Variants in DPYD observed in about 807,000 individuals in gnomAD.
DPYD encodes the protein dihydropyrimidine dehydrogenase.
A neutral mutation model predicts 116.2 loss-of-function variants in DPYD; 109 were observed. The ratio of observed to expected loss-of-function variants is 0.94; its 90% CI spans 0.80 to 1.10. The LOEUF (loss-of-function observed/expected upper bound fraction) is 1.10, where lower values mean the gene tolerates loss of function less well. Ranked by LOEUF, DPYD falls within the 50% of genes least tolerant of loss-of-function variation. DPYD has a pLI of 0.00. For missense variants in DPYD, 1,302 were observed against 1,254.5 expected, an observed-to-expected ratio of 1.04 and a Z score of -0.57; for synonymous variants, 440 against 432.0, an observed-to-expected ratio of 1.02 and a Z score of -0.23.
intron 8 of DPYD, among the ~76,000 whole-genome samples, chr1:97,606,958 CTTAAA>C (rs990600849): frequency 2.0e-5 from 3 of 151,830 alleles, no homozygotes; most frequent in Non-Finnish European, 4.4e-5. Context: ...AGATAAGTAA[CTTAAA>C]TTATAGTGTT....
intron 18 of DPYD, among the ~76,000 whole-genome samples, chr1:97,299,613 G>A (rs1302441723): frequency 2.0e-5 from 3 of 152,090 alleles, no homozygotes; most frequent in Non-Finnish European, 2.9e-5. Context: ...TCCATGAGCT[G>A]TAAGCATCTA....
intron 12 of DPYD, among the ~76,000 whole-genome samples, chr1:97,527,602 T>C (rs1010226089): frequency 6.6e-6 from 1 of 152,112 alleles, no homozygotes; most frequent in African/African-American, 2.4e-5. Context: ...CAAACTATAA[T>C]AACCCATTAT....
chr1:97,881,241 A>G (rs941463697), intron 2 of DPYD, among the ~76,000 whole-genome samples: 1 of 151,994 alleles, frequency 6.6e-6, no homozygotes, highest in African/African-American at 2.4e-5. Flanking sequence ...TCCTAATCCA[A>G]TATAGCCGAT....
intron 19 of DPYD, among the ~76,000 whole-genome samples, chr1:97,218,782 A>T (rs952032048): frequency 6.6e-6 from 1 of 152,130 alleles, no homozygotes; most frequent in African/African-American, 2.4e-5. Flanking sequence ...TGAGAAGAAG[A>T]TAACATCAGA....
chr1:97,821,766 A>G (rs574206242), intron 3 of DPYD, among the ~76,000 whole-genome samples: 1 of 152,284 alleles, frequency 6.6e-6, no homozygotes, highest in Non-Finnish European at 1.5e-5. Context: ...TACATTACAC[A>G]TGTAATTCTT....
chr1:97,727,745 A>G (rs1663353889), intron 4 of DPYD, among the ~76,000 whole-genome samples: 1 of 151,854 alleles, frequency 6.6e-6, no homozygotes, highest in South Asian at 2.1e-4. Context: ...ACTCAGAGCC[A>G]AAGACACTCA....
At chr1:97,776,702 A>T (rs1321578248) in intron 3 of DPYD, among the ~76,000 whole-genome samples, 1 of 152,212 alleles carries the variant, frequency 6.6e-6, no homozygotes, top group African/African-American at 2.4e-5. Context: ...CATTAACACA[A>T]GTGTAAATTC....
rs59507213 is a variant in DPYD at position 97,160,136 on chromosome 1, C to T, written c.2622+32933G>A. Among the ~76,000 whole-genome samples, 481 of 152,090 alleles carry T rather than the reference C, an allele frequency of 3.2e-3. 5 individuals are homozygous for T. Among genetic ancestry groups the T allele is most frequent in the African/African-American group, 0.011 (471 of 41,524 alleles). Reference sequence around the variant, plus strand: ...AGTGTTATATATTCAACTAATTCACCAACAATTTCTATATAGTGTTGTGGT... The same window carrying T: ...AGTGTTATATATTCAACTAATTCACTAACAATTTCTATATAGTGTTGTGGT... On this transcript the variant is annotated intron_variant, in intron 20 of 22. Transcript: ENST00000370192.
rs1186286669 is a variant in DPYD at position 97,691,732 on chromosome 1, C to G, written c.747G>C (p.Lys249Asn). The change falls in exon 7 of 23, where the codon AAG (lysine) becomes AAC (asparagine). Residue 249 changes from lysine to asparagine, a missense_variant. Coordinates refer to ENST00000370192, the MANE Select transcript of DPYD (RefSeq NM_000110.4). ...TTTCATTTACCTTTACACCAAGGTC[C>G]TTCATTAGCTCAATCTCAAAATTCA... ...DVVNFEIELM[K>N]DLGVKIICGK... 1 of 1,613,548 alleles carries G rather than the reference C, an allele frequency of 6.2e-7. No individual in the cohort carries two copies. The highest frequency in any genetic ancestry group is 2.2e-5 in the East Asian group (1 of 44,816).
intron 19 of DPYD, among the ~76,000 whole-genome samples, chr1:97,213,452 G>A (rs1285284806): frequency 6.6e-6 from 1 of 152,134 alleles, no homozygotes; most frequent in South Asian, 2.1e-4. Context: ...CTTAATGATC[G>A]CTTCCTTACA....
chr1:97,837,207 C>T (rs1199241432), intron 2 of DPYD, among the ~76,000 whole-genome samples: 1 of 152,034 alleles, frequency 6.6e-6, no homozygotes, highest in African/African-American at 2.4e-5. Context: ...AATAATTTTT[C>T]TTTGGCATGT....
At chr1:97,775,695 T>G (rs1013126155) in intron 3 of DPYD, among the ~76,000 whole-genome samples, 8 of 152,190 alleles carry the variant, frequency 5.3e-5, no homozygotes, top group African/African-American at 1.9e-4. Flanking sequence ...GTTTATAATC[T>G]GTCTTCCTCC....
At chr1:97,595,387 C>T (rs1158244649) in intron 8 of DPYD, among the ~76,000 whole-genome samples, 1 of 151,952 alleles carries the variant, frequency 6.6e-6, no homozygotes, top group African/African-American at 2.4e-5. Flanking sequence ...GTAAATCACA[C>T]ATTAATGTAT....
intron 8 of DPYD, among the ~76,000 whole-genome samples, chr1:97,641,502 AT>A (rs1657903274): frequency 1.3e-5 from 2 of 152,202 alleles, no homozygotes; most frequent in South Asian, 4.1e-4. Flanking sequence ...AAAAAGCCAC[AT>A]GATTATCTCA....
At chr1:97,825,524 GA>G (rs1669189550) in intron 3 of DPYD, among the ~76,000 whole-genome samples, 1 of 148,290 alleles carries the variant, frequency 6.7e-6, no homozygotes, top group Non-Finnish European at 1.5e-5. Flanking sequence ...AAGCTAATAA[GA>G]AAAAGGGATG....
chr1:97,631,497 T>C (rs1468317500), intron 8 of DPYD, among the ~76,000 whole-genome samples: 2 of 152,080 alleles, frequency 1.3e-5, no homozygotes, highest in Non-Finnish European at 2.9e-5. Context: ...TAAGTGCTTA[T>C]GTGAACCCAA....
chr1:97,136,567 A>C (rs1263522335), intron 20 of DPYD, among the ~76,000 whole-genome samples: 1 of 152,012 alleles, frequency 6.6e-6, no homozygotes, highest in Non-Finnish European at 1.5e-5. Context: ...TGGAATTCTC[A>C]ATTCCTACCC....
At chr1:97,108,210 A>G (rs72965820) in intron 20 of DPYD, among the ~76,000 whole-genome samples, 7,500 of 152,152 alleles carry the variant, frequency 0.049, 433 homozygotes, top group African/African-American at 0.14. Context: ...AACAGCACTC[A>G]CTTGGGAATT....
chr1:97,846,276 A>T (rs1248403312), intron 2 of DPYD, among the ~76,000 whole-genome samples: 1 of 152,190 alleles, frequency 6.6e-6, no homozygotes, highest in East Asian at 1.9e-4. Flanking sequence ...TGCTCTATGC[A>T]TCTCCTCCAA....
Sources: allele counts gnomAD v4.1 joint callset (sites outside exome capture counted in the v4.1 genomes callset), GRCh38; gene constraint gnomAD v4.1.1; transcripts MANE v1.5; gene names NCBI Gene and HGNC (gene_info 2026-07-23, HGNC 2026-07-21).